The following PLEKHG4B variants were observed in gnomAD, a reference collection of about 807,000 sequenced individuals.
PLEKHG4B encodes pleckstrin homology domain-containing family G member 4B.
PLEKHG4B carries 111 observed loss-of-function variants against 121.3 expected under a neutral mutation model. That is an observed-to-expected ratio of 0.92 (90% CI 0.78 to 1.07). PLEKHG4B has a LOEUF of 1.07. PLEKHG4B is among the 50% of genes least tolerant of loss of function. The pLI, the probability that PLEKHG4B is intolerant of heterozygous loss-of-function variation, is 0.00. For synonymous variants in PLEKHG4B, 738 were observed against 725.0 expected (o/e 1.02, Z -0.29); for missense variants, 1,831 against 1,757.8 (o/e 1.04, Z -0.74).
At chr5:128,290 T>G (rs1734679701) in intron 2 of PLEKHG4B, among the ~76,000 whole-genome samples, 1 of 152,180 alleles carries the variant, frequency 6.6e-6, no homozygotes. Context: ...TGCAGTAAAA[T>G]ATTTTAACTT....
chr5:154,778 C>T (rs1000227497), intron 7 of PLEKHG4B, 97 bp from the exon 8 acceptor site: 6 of 908,384 alleles, frequency 6.6e-6, no homozygotes, highest in Non-Finnish European at 1.1e-5. Context: ...CTTGAGCCAG[C>T]CTCTCCATCC....
At chr5:102,654 G>A (rs9313246) in intron 1 of PLEKHG4B, among the ~76,000 whole-genome samples, 28,518 of 152,020 alleles carry the variant, frequency 0.19, 3,761 homozygotes, top group African/African-American at 0.37. Context: ...AGAGGCTGCC[G>A]TGCTTCCTGT....
At chr5:181,817 G>A (rs1488716183) in intron 19 of PLEKHG4B, 142 bp downstream of exon 19, 15 of 1,334,272 alleles carry the variant, frequency 1.1e-5, no homozygotes, top group Non-Finnish European at 1.4e-5. Context: ...CGGGTACGGT[G>A]GCCTCGGCCC....
chr5:99,140 T>C (rs370189580), intron 1 of PLEKHG4B, among the ~76,000 whole-genome samples: 3 of 127,982 alleles, frequency 2.3e-5, no homozygotes, highest in African/African-American at 9.4e-5. Context: ...CAGGTGACAG[T>C]GCGAGAGTCT....
chr5:159,701 T>C lies in PLEKHG4B; in HGVS notation c.2488-2082T>C, dbSNP rs1437870376. On this transcript the variant is annotated intron_variant, in intron 11 of 19. Coordinates refer to ENST00000637938, the MANE Select transcript of PLEKHG4B (RefSeq NM_052909.5). This position sits in a 1 kb window ranked among gnomAD's most constrained non-coding sequence, Gnocchi z 5.5. ...TGGCCCACGCATCTTTAGCATTTTC[T>C]CCCTGGCGGTCTGATTCTTTTCCTC... 6.6e-6 allele frequency among the ~76,000 whole-genome samples: 1 copy of C among 152,166 alleles called. No homozygotes were observed. Among genetic ancestry groups the C allele is most frequent in the Non-Finnish European group, 1.5e-5 (1 of 68,014 alleles).
At position 159,024 on chromosome 5, in the gene PLEKHG4B, G is replaced by A. The variant is rs79816582; in HGVS notation, c.2487+2113G>A. On this transcript the variant is annotated intron_variant, in intron 11 of 19. Coordinates refer to ENST00000637938, the MANE Select transcript of PLEKHG4B (RefSeq NM_052909.5). This position sits in a 1 kb window ranked among gnomAD's most constrained non-coding sequence, Gnocchi z 5.5. ...CCCTTCGCCAGCTGGAAGGCCCTGC[G>A]CCTGTGCTTAGCTTCCATCCCACTC... 4.6e-3 allele frequency among the ~76,000 whole-genome samples: 696 copies of A among 151,916 alleles called. 16 individuals are homozygous for A. Among genetic ancestry groups the A allele is most frequent in the Admixed American group, 0.035 (534 of 15,264 alleles).
chr5:131,259 T>C (rs173132), intron 2 of PLEKHG4B, among the ~76,000 whole-genome samples: 130,473 of 152,078 alleles, frequency 0.86, 56,164 homozygotes, highest in South Asian at 0.96. Flanking sequence ...ATCCCTCCCC[T>C]AGAACCCCAG....
At chr5:160,268 CT>C (rs2126432423) in intron 11 of PLEKHG4B, among the ~76,000 whole-genome samples, 1 of 152,390 alleles carries the variant, frequency 6.6e-6, no homozygotes, top group East Asian at 1.9e-4. Context: ...GGCTCCTCCC[CT>C]CTCTGCTGTT....
chr5:142,408 A>G (rs1735238779), intron 3 of PLEKHG4B, among the ~76,000 whole-genome samples: 1 of 151,948 alleles, frequency 6.6e-6, no homozygotes, highest in African/African-American at 2.4e-5. Flanking sequence ...ACACACAGTC[A>G]CATGCCTCAC....
intron 2 of PLEKHG4B, among the ~76,000 whole-genome samples, chr5:135,187 C>CAAAAAAAAAAAAAAAAA (rs35601775): frequency 1.2e-4 from 6 of 48,772 alleles, no homozygotes; most frequent in African/African-American, 3.2e-4. Context: ...GACTCCAGCT[C>CAAAAAAAAAAAAAAAAA]AAAAAAAAAA....
chr5:103,586 TA>T (rs1733886526), intron 1 of PLEKHG4B, among the ~76,000 whole-genome samples: 1 of 152,172 alleles, frequency 6.6e-6, no homozygotes, highest in Non-Finnish European at 1.5e-5. Flanking sequence ...TATTCCTTCT[TA>T]AAAATTGATG....
intron 11 of PLEKHG4B, 132 bp from the exon 12 acceptor site, chr5:161,651 G>A (rs1167257053): frequency 3.6e-6 from 4 of 1,111,292 alleles, no homozygotes; most frequent in African/African-American, 1.6e-5. Context: ...TCGAGAATGA[G>A]AGGCAGCAGC....
chr5:114,283 C>T (rs560510543), intron 2 of PLEKHG4B, among the ~76,000 whole-genome samples: 5 of 152,066 alleles, frequency 3.3e-5, no homozygotes, highest in Non-Finnish European at 5.9e-5. Context: ...ACGATTACTC[C>T]GACAGGCAAT....
At chr5:171,487 T>C in intron 16 of PLEKHG4B, 43 bp downstream of exon 16, 1 of 1,505,082 alleles carries the variant, frequency 6.6e-7, no homozygotes, top group East Asian at 2.4e-5. Flanking sequence ...GCTGGGGGAA[T>C]TTGAGGCTGC....
At chr5:173,705 G>C (rs114036913) in intron 17 of PLEKHG4B, among the ~76,000 whole-genome samples, 1 of 151,726 alleles carries the variant, frequency 6.6e-6, no homozygotes, top group Non-Finnish European at 1.5e-5. Context: ...CACACACACG[G>C]ACAGCTATCC....
intron 2 of PLEKHG4B, among the ~76,000 whole-genome samples, chr5:127,753 T>G (rs2126377183): frequency 6.6e-6 from 1 of 152,242 alleles, no homozygotes; most frequent in East Asian, 1.9e-4. Context: ...GTAAAATGTT[T>G]GAAGGGATTT....
chr5:93,191 T>C (rs1313761673), intron 1 of PLEKHG4B, among the ~76,000 whole-genome samples: 2 of 152,214 alleles, frequency 1.3e-5, no homozygotes, highest in Non-Finnish European at 1.5e-5. Context: ...TTGATACTTT[T>C]GACTGAGCCT....
intron 2 of PLEKHG4B, among the ~76,000 whole-genome samples, chr5:127,802 A>G (rs1310721409): frequency 6.6e-6 from 1 of 152,234 alleles, no homozygotes; most frequent in African/African-American, 2.4e-5. Flanking sequence ...CCCCTGATAC[A>G]GCCCTCAGGA....
intron 1 of PLEKHG4B, among the ~76,000 whole-genome samples, chr5:103,812 T>C (rs1373494886): frequency 1.3e-5 from 2 of 152,220 alleles, no homozygotes; most frequent in Non-Finnish European, 2.9e-5. Context: ...CTAGAACTTA[T>C]TCCTTCTATC....
Sources: allele counts gnomAD v4.1 joint callset (sites outside exome capture counted in the v4.1 genomes callset), GRCh38; gene constraint gnomAD v4.1.1; non-coding constraint Gnocchi (gnomAD v3.1); transcripts MANE v1.5; gene names NCBI Gene and HGNC (gene_info 2026-07-23, HGNC 2026-07-21).